The following ATG3 variants were observed in gnomAD, a reference collection of about 807,000 sequenced individuals.
ATG3 encodes autophagy related 3, also known as ubiquitin-like-conjugating enzyme ATG3.
A neutral mutation model predicts 50.7 loss-of-function variants in ATG3; 25 were observed. That is an observed-to-expected ratio of 0.49 (90% CI 0.36 to 0.69). The LOEUF (loss-of-function observed/expected upper bound fraction) is 0.69, where lower values mean the gene tolerates loss of function less well. Ranked by LOEUF, ATG3 falls within the 30% of genes least tolerant of loss-of-function variation. The probability of loss-of-function intolerance (pLI) is 0.00; values close to 1 mark genes in which losing one functional copy is unlikely to be tolerated. For synonymous variants in ATG3, 119 were observed against 125.5 expected (o/e 0.95, Z 0.34); for missense variants, 281 against 376.0 (o/e 0.75, Z 2.09).
At chr3:112,553,008 A>C (rs1328073452) in intron 3 of ATG3, among the ~76,000 whole-genome samples, 1 of 152,218 alleles carries the variant, frequency 6.6e-6, no homozygotes, top group Non-Finnish European at 1.5e-5. Flanking sequence ...TCAGACTTAG[A>C]CACTATAAAG....
At chr3:112,540,705 A>G (rs1933201373) in intron 7 of ATG3, among the ~76,000 whole-genome samples, 1 of 152,104 alleles carries the variant, frequency 6.6e-6, no homozygotes, top group Admixed American at 6.5e-5. Context: ...GAAGATGACT[A>G]GAAGAAAGAG....
In ATG3 at chr3:112,553,273, T is replaced by C. The variant is rs962237548; in HGVS notation, c.164+7A>G. ...TAATTTTCTATTCTTTACTCAATAT[T>C]ACTTACCATTGCCATGTTGGACAGT... On this transcript the variant is annotated splice_region_variant and intron_variant, in intron 3 of 11. Transcript: ENST00000283290. 6.2e-7 allele frequency: 1 copy of C among 1,604,248 alleles called. No homozygotes were observed. Among genetic ancestry groups the C allele is most frequent in the Non-Finnish European group, 8.5e-7 (1 of 1,171,424 alleles).
chr3:112,550,266 T>C lies in ATG3; in HGVS notation c.165-4A>G, dbSNP rs745357273. On this transcript the variant is annotated splice_polypyrimidine_tract_variant and splice_region_variant and intron_variant, in intron 3 of 11. Transcript: ENST00000283290. ...TTTCAATTCTTCCCCTGTAGCCCTT[T>C]AAAAACAGTGAAAAGCACCAAAATA... 7.5e-6 allele frequency: 12 copies of C among 1,609,332 alleles called. No homozygotes were observed. In the South Asian group the frequency reaches 1.3e-4, roughly 18 times the overall value.
chr3:112,533,286 T>A, intron 11 of ATG3: 1 of 984,654 alleles, frequency 1.0e-6, no homozygotes, highest in Non-Finnish European at 1.2e-6. Flanking sequence ...AATTTTTTTA[T>A]GTTCATTGCA....
At chr3:112,561,372 G>A (rs1471835114) in intron 1 of ATG3, 85 bp downstream of exon 1, 1 of 1,420,680 alleles carries the variant, frequency 7.0e-7, no homozygotes, top group Non-Finnish European at 9.9e-7. Flanking sequence ...TGCCCCGCCG[G>A]AGAAAGCGGG....
chr3:112,553,211 T>C, intron 3 of ATG3, 69 bp downstream of exon 3: 2 of 1,329,068 alleles, frequency 1.5e-6, no homozygotes, highest in South Asian at 1.2e-5. Context: ...TTAACCTATT[T>C]TGCAAATTGC....
chr3:112,537,874 C>T lies in ATG3; in HGVS notation c.527G>A (p.Arg176Lys), dbSNP rs1310114875. The change falls in exon 9 of 12, where the codon AGG (arginine) becomes AAG (lysine). Residue 176 changes from arginine (R) to lysine (K), a missense_variant. Around this residue, in one of 3 missense-constraint regions of ATG3, gnomAD observed 242 missense variants for 305.0 expected, o/e 0.79. Coordinates refer to ENST00000283290, the MANE Select transcript of ATG3 (RefSeq NM_022488.5). ...GGCTTTACAAGCTTCTACTATTTTC[C>T]TTGTATCTAGGGTAGCCTGAAAATA... ...LETDEATLDT[R>K]KIVEACKAKT... 1 of 1,609,866 alleles carries T rather than the reference C, an allele frequency of 6.2e-7. No individual in the cohort carries two copies. Among genetic ancestry groups the T allele is most frequent in the East Asian group, 2.2e-5 (1 of 44,740 alleles).
At chr3:112,558,325 G>A in intron 2 of ATG3, 51 bp downstream of exon 2, 3 of 1,379,700 alleles carry the variant, frequency 2.2e-6, no homozygotes, top group South Asian at 1.3e-5. Context: ...AAGCCACCTA[G>A]TTTAGTATTA....
chr3:112,532,774 AAG>A lies in ATG3; in HGVS notation c.868_869del (p.Leu290SerfsTer17). 6.3e-7 allele frequency: 1 copy of A among 1,592,716 alleles called. No homozygotes were observed. The highest frequency in any genetic ancestry group is 1.3e-5 in the African/African-American group (1 of 74,348). On this transcript the variant is annotated frameshift_variant, in exon 12 of 12. Transcript: ENST00000283290. LOFTEE classifies it high-confidence loss of function. ...GGGELGVHMY[L>X]LIFLKFVQAV... ...CTTGTACAAATTTCAAGAAAATAAG[AAG>A]ATACCTAAAGGTTTTTAGCTAAGGA...
chr3:112,534,156 T>A (rs1277601114), intron 11 of ATG3, 113 bp downstream of exon 11: 4 of 1,476,958 alleles, frequency 2.7e-6, no homozygotes, highest in Non-Finnish European at 3.6e-6. Context: ...GATTTTCAGA[T>A]GAGAAGTTAA....
intron 3 of ATG3, among the ~76,000 whole-genome samples, chr3:112,551,255 ATAT>A (rs1317717114): frequency 7.2e-5 from 11 of 152,220 alleles, no homozygotes; most frequent in African/African-American, 2.7e-4. Flanking sequence ...AAATGCCCTA[ATAT>A]TATTTGACGG....
At chr3:112,557,088 T>C (rs1326912323) in intron 2 of ATG3, among the ~76,000 whole-genome samples, 2 of 151,686 alleles carry the variant, frequency 1.3e-5, no homozygotes, top group East Asian at 3.9e-4. Flanking sequence ...CATACTACCA[T>C]GTGTCTTCAC....
At chr3:112,535,267 T>C (rs1232337575) in intron 10 of ATG3, 1 of 152,188 alleles carries the variant, frequency 6.6e-6, no homozygotes, top group Non-Finnish European at 1.5e-5. Context: ...TCCAGAGGAT[T>C]TGAAGGCACA....
At chr3:112,558,538 AGTCT>A (rs1933750496) in intron 1 of ATG3, 121 bp from the exon 2 acceptor site, 1 of 731,422 alleles carries the variant, frequency 1.4e-6, no homozygotes. Context: ...AAAAAAAATT[AGTCT>A]ATCTATCTAA....
rs1263594416 is a variant in ATG3 at position 112,561,561 on chromosome 3, G to A, written c.-33C>T. ...CCGGAGTAGCGGCCGGCCCCGCGAC[G>A]GGATGGAAAGTGCAGCCGTGTCAGG... is the stretch of plus-strand genomic sequence containing the variant. On this transcript the variant is annotated 5_prime_UTR_variant, in exon 1 of 12. Transcript: ENST00000283290. The A allele has an allele frequency of 1.3e-6, 2 of 1,599,448 alleles. No homozygotes were observed. Among genetic ancestry groups the A allele is most frequent in the Admixed American group, 1.7e-5 (1 of 59,268 alleles).
chr3:112,558,767 ACT>A (rs1933756456), intron 1 of ATG3, among the ~76,000 whole-genome samples: 1 of 149,072 alleles, frequency 6.7e-6, no homozygotes, highest in South Asian at 2.1e-4. Context: ...ATGGAGTTTC[ACT>A]CCTGTTGCCC....
intron 7 of ATG3, among the ~76,000 whole-genome samples, chr3:112,539,723 A>G (rs1032972065): frequency 6.6e-6 from 1 of 152,244 alleles, no homozygotes; most frequent in African/African-American, 2.4e-5. Flanking sequence ...TGCCCAATAA[A>G]TATTTGTTCA....
At position 112,548,561 on chromosome 3, in the gene ATG3, G is replaced by A. The variant is rs762360805; in HGVS notation, c.315C>T (p.Gly105=). 18 of 1,613,096 alleles carry A rather than the reference G, an allele frequency of 1.1e-5. No individual in the cohort carries two copies. The highest frequency in any genetic ancestry group is 1.0e-4 in the Admixed American group (6 of 59,974). ...EAIIEEDDGD[G]GWVDTYHNTG... is the part of the protein sequence containing the mutation. ...TGTTGTGATATGTATCTACCCATCC[G>A]CCATCACCATCATCTTCTTCAATGA... The change falls in exon 5 of 12, where the codon GGC becomes GGT. Residue 105 remains glycine, a synonymous_variant. Transcript: ENST00000283290.
At chr3:112,557,362 G>A (rs1012564687) in intron 2 of ATG3, among the ~76,000 whole-genome samples, 13 of 152,132 alleles carry the variant, frequency 8.5e-5, no homozygotes, top group Non-Finnish European at 1.3e-4. Context: ...GGAGCCGGGC[G>A]CAGTGGCTCA....
Sources: allele counts gnomAD v4.1 joint callset (sites outside exome capture counted in the v4.1 genomes callset), GRCh38; gene constraint gnomAD v4.1.1; regional missense constraint gnomAD v4.1.1; transcripts MANE v1.5; gene names NCBI Gene and HGNC (gene_info 2026-07-23, HGNC 2026-07-21).